SNTG1: variants seen among roughly 807,000 people sequenced by gnomAD.
The protein encoded by SNTG1 is gamma-1-syntrophin.
A neutral mutation model predicts 74.7 loss-of-function variants in SNTG1; 39 were observed. The ratio of observed to expected loss-of-function variants is 0.52; its 90% CI spans 0.40 to 0.68. SNTG1 has a LOEUF of 0.68. Ranked by LOEUF, SNTG1 falls within the 30% of genes least tolerant of loss-of-function variation. The probability of loss-of-function intolerance (pLI) is 0.00; values close to 1 mark genes in which losing one functional copy is unlikely to be tolerated. For synonymous variants in SNTG1, 254 were observed against 217.1 expected (o/e 1.17, Z -1.49); for missense variants, 685 against 609.5 (o/e 1.12, Z -1.30).
intron 1 of SNTG1, among the ~76,000 whole-genome samples, chr8:50,034,620 A>G (rs1554554078): frequency 6.6e-6 from 1 of 152,164 alleles, no homozygotes; most frequent in Non-Finnish European, 1.5e-5. Context: ...GTCTAGTGCA[A>G]GGGTGTCCAA....
At chr8:49,991,212 C>T (rs1390204090) in intron 1 of SNTG1, among the ~76,000 whole-genome samples, 1 of 152,100 alleles carries the variant, frequency 6.6e-6, no homozygotes, top group African/African-American at 2.4e-5. Context: ...TTTTTACCTG[C>T]CAGTTGCAAA....
intron 2 of SNTG1, among the ~76,000 whole-genome samples, chr8:50,257,537 T>C (rs2086945526): frequency 6.6e-6 from 1 of 152,184 alleles, no homozygotes; most frequent in African/African-American, 2.4e-5. Flanking sequence ...TAGATTTGGT[T>C]GGTGAGCAGT....
At chr8:50,426,962 T>G (rs971574780) in intron 4 of SNTG1, among the ~76,000 whole-genome samples, 1 of 152,182 alleles carries the variant, frequency 6.6e-6, no homozygotes, top group African/African-American at 2.4e-5. Context: ...TAAGTAAAGA[T>G]GAGTTAAAGT....
intron 17 of SNTG1, among the ~76,000 whole-genome samples, chr8:50,733,981 T>C (rs1395222380): frequency 1.3e-5 from 2 of 151,908 alleles, no homozygotes; most frequent in Non-Finnish European, 2.9e-5. Context: ...TAATTCTATG[T>C]AATTTTTCTA....
At position 50,530,237 on chromosome 8, in the gene SNTG1, T is replaced by C; in HGVS notation, c.527T>C (p.Leu176Pro). 6.2e-7 allele frequency: 1 copy of C among 1,613,744 alleles called. No homozygotes were observed. Among genetic ancestry groups the C allele is most frequent in the Non-Finnish European group, 8.5e-7 (1 of 1,179,764 alleles). The change falls in exon 10 of 19, where the codon CTC (leucine) becomes CCC (proline). Residue 176 changes from leucine (L) to proline (P), a missense_variant. Coordinates refer to ENST00000642720, the MANE Select transcript of SNTG1 (RefSeq NM_018967.5). ...SSPLCDSGLH[L>P]NYHPNNTDTL... is the part of the protein sequence containing the mutation. Reference sequence around the variant, plus strand: ...CCTCTCTGTGACAGTGGCTTACATCTCAACTACCATCCCAACAATACAGTA... The same window carrying C: ...CCTCTCTGTGACAGTGGCTTACATCCCAACTACCATCCCAACAATACAGTA...
At chr8:50,642,107 A>C (rs116267098) in intron 13 of SNTG1, among the ~76,000 whole-genome samples, 3,344 of 152,292 alleles carry the variant, frequency 0.022, 46 homozygotes, top group Middle Eastern at 0.037. Context: ...TCAAAATCCT[A>C]TCTTTTAATG....
chr8:50,450,437 A>C, intron 6 of SNTG1, 119 bp from the exon 7 acceptor site: 1 of 1,022,458 alleles, frequency 9.8e-7, no homozygotes, highest in Non-Finnish European at 1.4e-6. Flanking sequence ...TTAAGATGCT[A>C]ACCATATAAG....
At chr8:50,196,405 G>C (rs2083769855) in intron 2 of SNTG1, among the ~76,000 whole-genome samples, 1 of 152,136 alleles carries the variant, frequency 6.6e-6, no homozygotes, top group African/African-American at 2.4e-5. Flanking sequence ...GATTATTAAA[G>C]ATAAATTTAG....
At chr8:50,704,289 G>A (rs1047444752) in intron 15 of SNTG1, among the ~76,000 whole-genome samples, 1 of 152,160 alleles carries the variant, frequency 6.6e-6, no homozygotes, top group Non-Finnish European at 1.5e-5. Context: ...AAGAGATAGT[G>A]TGTCACCCCT....
intron 18 of SNTG1, among the ~76,000 whole-genome samples, chr8:50,791,988 C>T (rs1364363271): frequency 3.3e-5 from 5 of 151,466 alleles, no homozygotes; most frequent in Non-Finnish European, 7.4e-5. Flanking sequence ...AGTTTGGTTG[C>T]CACTGGTAAT....
chr8:50,570,334 A>T (rs1249114339), intron 12 of SNTG1, among the ~76,000 whole-genome samples: 1 of 141,822 alleles, frequency 7.1e-6, no homozygotes, highest in Admixed American at 7.2e-5. Flanking sequence ...TCTCGGTTCA[A>T]TGCAACCTCC....
intron 2 of SNTG1, among the ~76,000 whole-genome samples, chr8:50,318,668 G>A (rs34770659): frequency 6.6e-6 from 1 of 152,002 alleles, no homozygotes; most frequent in African/African-American, 2.4e-5. Context: ...AGAAACTGAA[G>A]CTTTTCTGTC....
chr8:50,785,385 A>T (rs2095671835), intron 18 of SNTG1, among the ~76,000 whole-genome samples: 1 of 152,042 alleles, frequency 6.6e-6, no homozygotes, highest in Non-Finnish European at 1.5e-5. Flanking sequence ...AGAAAAACGT[A>T]ACTATAAATA....
chr8:50,499,658 C>A (rs1271313261), intron 8 of SNTG1, among the ~76,000 whole-genome samples: 1 of 151,494 alleles, frequency 6.6e-6, no homozygotes, highest in Non-Finnish European at 1.5e-5. Flanking sequence ...AATGATATTA[C>A]CTGTAGGTTT....
intron 2 of SNTG1, among the ~76,000 whole-genome samples, chr8:50,305,051 G>A (rs1040857630): frequency 6.6e-6 from 1 of 151,768 alleles, no homozygotes; most frequent in African/African-American, 2.4e-5. Context: ...TACAGGTGCG[G>A]ACCACTACAG....
At chr8:50,041,965 G>C (rs1818676648) in intron 1 of SNTG1, among the ~76,000 whole-genome samples, 2 of 152,042 alleles carry the variant, frequency 1.3e-5, no homozygotes, top group Admixed American at 6.6e-5. Context: ...GTCTTATATA[G>C]ATGTTCCTCA....
chr8:50,038,563 C>G (rs749342013), intron 1 of SNTG1, among the ~76,000 whole-genome samples: 14 of 152,114 alleles, frequency 9.2e-5, no homozygotes, highest in Admixed American at 7.2e-4. Flanking sequence ...TGATTTAGAT[C>G]ATTTTTCTTT....
intron 18 of SNTG1, among the ~76,000 whole-genome samples, chr8:50,764,573 G>T (rs1251684395): frequency 6.6e-6 from 1 of 151,820 alleles, no homozygotes; most frequent in Non-Finnish European, 1.5e-5. Flanking sequence ...GAAACTCAAT[G>T]GGCTATCACC....
chr8:50,292,558 G>A (rs2089168167), intron 2 of SNTG1, among the ~76,000 whole-genome samples: 1 of 152,118 alleles, frequency 6.6e-6, no homozygotes, highest in Non-Finnish European at 1.5e-5. Context: ...ATACCTGTGA[G>A]GGATGACTGT....
Sources: gnomAD v4.1 joint callset for allele counts (sites outside exome capture counted in the v4.1 genomes callset) on GRCh38, gnomAD v4.1.1 for gene constraint, MANE v1.5 for transcripts, NCBI Gene and HGNC (gene_info 2026-07-23, HGNC 2026-07-21) for gene names.